Variants in STK4 observed in about 807,000 individuals in gnomAD.
STK4 encodes serine/threonine-protein kinase 4.
In STK4, 30 loss-of-function variants were observed where a neutral mutation model predicts 64.9. The ratio of observed to expected loss-of-function variants is 0.46; its 90% CI spans 0.35 to 0.63. The LOEUF (loss-of-function observed/expected upper bound fraction) is 0.63. Among genes scored for constraint, STK4 ranks in the 20% least tolerant of loss-of-function variants. STK4 has a pLI of 0.01. For missense variants in STK4, 466 were observed against 598.5 expected (o/e 0.78, Z 2.31); for synonymous variants, 177 against 199.0 (o/e 0.89, Z 0.93).
intron 9 of STK4, among the ~76,000 whole-genome samples, chr20:45,009,872 A>AT (rs1419707835): frequency 3.3e-5 from 5 of 152,016 alleles, no homozygotes; most frequent in African/African-American, 1.2e-4. Flanking sequence ...ATTTTTGTAC[A>AT]TTTTTTTATC....
At position 45,079,996 on chromosome 20, in the gene STK4, G is replaced by GTT. The variant is rs1980782338; in HGVS notation, c.*4821_*4822dup. 1 of 152,214 alleles carries GTT rather than the reference G, an allele frequency of 6.6e-6. No homozygotes were observed. The highest frequency in any genetic ancestry group is 1.5e-5 in the Non-Finnish European group (1 of 68,052). The allele number at this position is 152,214 out of a possible 1,614,324, so 9.4% of individuals were successfully genotyped here. On this transcript the variant is annotated 3_prime_UTR_variant, in exon 11 of 11. Transcript: ENST00000372806. ...CTCAATATATAGCCTGGATAATGGTGTTGTGAACAATCTTTGTGACATTGA... is the reference window on the plus strand; with the variant it reads ...CTCAATATATAGCCTGGATAATGGTGTTTTGTGAACAATCTTTGTGACATTGA...
chr20:44,995,874 T>G (rs2067721518), intron 6 of STK4, among the ~76,000 whole-genome samples: 1 of 152,162 alleles, frequency 6.6e-6, no homozygotes, highest in Non-Finnish European at 1.5e-5. Context: ...TCATTTTGAA[T>G]AGTTTAGACA....
chr20:45,019,443 C>T (rs2068204096), intron 9 of STK4, among the ~76,000 whole-genome samples: 1 of 152,166 alleles, frequency 6.6e-6, no homozygotes. Flanking sequence ...TGTTCATCAG[C>T]TGATAGACAT....
intron 1 of STK4, among the ~76,000 whole-genome samples, chr20:44,970,246 G>A (rs6031891): frequency 3.4e-5 from 5 of 146,782 alleles, no homozygotes; most frequent in African/African-American, 5.4e-5. Flanking sequence ...TAAAAAAAAA[G>A]AAAAAAAAAG....
intron 9 of STK4, among the ~76,000 whole-genome samples, chr20:45,004,962 A>G (rs6124674): frequency 0.44 from 65,957 of 151,032 alleles, 14,993 homozygotes; most frequent in Middle Eastern, 0.54. Context: ...TAGTAGAGAC[A>G]GGGTTTCACT....
In STK4 at chr20:45,025,077, C is replaced by T. The variant is rs1287175707; in HGVS notation, c.1252C>T (p.Pro418Ser). 3.1e-6 allele frequency: 5 copies of T among 1,612,656 alleles called. No individual in the cohort carries two copies. The highest frequency in any genetic ancestry group is 3.4e-6 in the Non-Finnish European group (4 of 1,179,274). The change falls in exon 10 of 11, where the codon CCA becomes TCA. Residue 418 changes from proline (P) to serine (S), a missense_variant. By Grantham distance (74) the Pro-to-Ser change is moderately conservative (BLOSUM62 -1). Around this residue, in one of 2 missense-constraint regions of STK4, gnomAD observed 276 missense variants for 308.9 expected, o/e 0.89. Transcript: ENST00000372806. ...INSFGKSVPG[P>S]LKNSSDWKIP... ...CAGCTTTGGCAAGAGTGTACCTGGT[C>T]CACTGAAAAATTCTTCAGATTGGAA... is the stretch of plus-strand genomic sequence containing the variant.
At chr20:44,991,999 A>G (rs1421503636) in intron 5 of STK4, among the ~76,000 whole-genome samples, 7 of 152,170 alleles carry the variant, frequency 4.6e-5, no homozygotes, top group African/African-American at 7.2e-5. Flanking sequence ...TTATTAAAAA[A>G]GATAAACTAA....
At chr20:45,034,164 T>C (rs1387013081) in intron 10 of STK4, among the ~76,000 whole-genome samples, 1 of 152,038 alleles carries the variant, frequency 6.6e-6, no homozygotes, top group Non-Finnish European at 1.5e-5. Context: ...AAATGAATTT[T>C]CTTTTTAGAA....
chr20:44,999,532 A>G (rs897497095), intron 7 of STK4, among the ~76,000 whole-genome samples: 1 of 152,252 alleles, frequency 6.6e-6, no homozygotes, highest in Non-Finnish European at 1.5e-5. Context: ...AAGAATTTCC[A>G]TATGTAACTT....
chr20:45,015,154 T>A (rs1414214535), intron 9 of STK4, among the ~76,000 whole-genome samples: 1 of 152,224 alleles, frequency 6.6e-6, no homozygotes, highest in African/African-American at 2.4e-5. Context: ...GCACCTATTG[T>A]TGCTGTGAGT....
chr20:45,070,020 C>T (rs1274821089), intron 10 of STK4, among the ~76,000 whole-genome samples: 1 of 152,152 alleles, frequency 6.6e-6, no homozygotes, highest in East Asian at 1.9e-4. Flanking sequence ...AAACTAAAAC[C>T]TGTAGGTTAA....
chr20:45,039,987 A>T (rs1374786027), intron 10 of STK4, among the ~76,000 whole-genome samples: 1 of 151,648 alleles, frequency 6.6e-6, no homozygotes, highest in African/African-American at 2.4e-5. Context: ...TCTTCCAGGG[A>T]TCTGCAAGCC....
chr20:44,976,602 T>C (rs1472528474), intron 2 of STK4, among the ~76,000 whole-genome samples: 1 of 152,214 alleles, frequency 6.6e-6, no homozygotes, highest in Non-Finnish European at 1.5e-5. Context: ...AAAGCTGTTG[T>C]CAATCCGGTA....
At chr20:45,040,687 G>A (rs939046644) in intron 10 of STK4, among the ~76,000 whole-genome samples, 1 of 150,986 alleles carries the variant, frequency 6.6e-6, no homozygotes, top group Non-Finnish European at 1.5e-5. Flanking sequence ...GGTAATTAGA[G>A]ACCACAGTCT....
intron 8 of STK4, among the ~76,000 whole-genome samples, chr20:45,000,894 A>T (rs2067825922): frequency 6.6e-6 from 1 of 152,190 alleles, no homozygotes; most frequent in Admixed American, 6.5e-5. Context: ...GATTCCAAAG[A>T]TGTTCACATG....
In STK4 at chr20:45,079,180, CACTCTAGCCTGGGTG is replaced by C. The variant is rs1448526133; in HGVS notation, c.*4007_*4021del. ...GCAGTGAGCCATGGTCTCACCACTG[CACTCTAGCCTGGGTG>C]ACAGAATGAGACCCCGTCTCAAAAA... On this transcript the variant is annotated 3_prime_UTR_variant, in exon 11 of 11. Transcript: ENST00000372806. 4.6e-5 allele frequency: 7 copies of C among 152,022 alleles called. No individual in the cohort carries two copies. Among genetic ancestry groups the C allele is most frequent in the African/African-American group, 1.7e-4 (7 of 41,366 alleles). The allele number at this position is 152,022 out of a possible 1,614,324, so 9.4% of individuals were successfully genotyped here. A position where few individuals can be genotyped will look rare whatever the true frequency, so the allele number is the denominator to read the frequency against.
intron 5 of STK4, among the ~76,000 whole-genome samples, chr20:44,988,523 ATGTGTGTGTG>A (rs371237761): frequency 1.8e-5 from 2 of 108,612 alleles, no homozygotes; most frequent in African/African-American, 8.4e-5. Context: ...GTGTATATAT[ATGTGTGTGTG>A]TATATATATA....
rs748660310 is a variant in STK4 at position 44,997,208 on chromosome 20, C to T, written c.733C>T (p.Arg245Ter). The change falls in exon 7 of 11, where the codon CGA (arginine) becomes TGA (stop). Residue 245 changes from arginine to a stop codon, truncating the protein, a stop_gained. Coordinates refer to ENST00000372806, the MANE Select transcript of STK4 (RefSeq NM_006282.5). LOFTEE classifies it high-confidence loss of function. ...TCCTACAAATCCTCCTCCCACATTC[C>T]GAAAACCAGAGCTATGGTCAGATAA... ...MIPTNPPPTF[R>*]KPELWSDNFT... 10 of 1,613,850 alleles carry T rather than the reference C, an allele frequency of 6.2e-6. No individual in the cohort carries two copies. The highest frequency in any genetic ancestry group is 1.1e-5 in the South Asian group (1 of 91,066).
intron 4 of STK4, among the ~76,000 whole-genome samples, chr20:44,985,556 T>G (rs1264776688): frequency 6.6e-6 from 1 of 152,192 alleles, no homozygotes; most frequent in African/African-American, 2.4e-5. Flanking sequence ...TTGGCCAGGC[T>G]GGTCTTGAAC....
Sources: allele counts gnomAD v4.1 joint callset (sites outside exome capture counted in the v4.1 genomes callset), GRCh38; gene constraint gnomAD v4.1.1; regional missense constraint gnomAD v4.1.1; transcripts MANE v1.5; gene names NCBI Gene and HGNC (gene_info 2026-07-23, HGNC 2026-07-21).